The following USP32 variants were observed in gnomAD, a reference collection of about 807,000 sequenced individuals.
USP32 encodes the protein ubiquitin specific peptidase 32.
Under a neutral mutation model 204.8 loss-of-function variants are expected in USP32, and 59 were observed. The observed-to-expected ratio is 0.29, with a 90% CI of 0.23 to 0.36. The LOEUF is 0.36. USP32 is among the 10% of genes least tolerant of loss of function. The pLI is 1.00. For synonymous variants in USP32, 517 were observed against 678.4 expected, an observed-to-expected ratio of 0.76 and a Z score of 3.70; for missense variants, 1,160 against 1,946.4, an observed-to-expected ratio of 0.60 and a Z score of 7.60.
intron 1 of USP32, among the ~76,000 whole-genome samples, chr17:60,415,200 C>T (rs902221457): frequency 4.6e-5 from 7 of 152,150 alleles, no homozygotes; most frequent in Non-Finnish European, 1.0e-4. Context: ...GATTCCTATC[C>T]ACTGGGGAGG....
At chr17:60,376,353 C>T (rs1021977932) in intron 1 of USP32, among the ~76,000 whole-genome samples, 2 of 151,656 alleles carry the variant, frequency 1.3e-5, no homozygotes, top group Non-Finnish European at 2.9e-5. Context: ...ATTATAACTA[C>T]ACTAAGCTAC....
intron 12 of USP32, among the ~76,000 whole-genome samples, chr17:60,235,876 T>C (rs1487849595): frequency 6.6e-6 from 1 of 152,230 alleles, no homozygotes; most frequent in Non-Finnish European, 1.5e-5. Context: ...ATGTGATGTA[T>C]GTGACATATG....
upstream of USP32, among the ~76,000 whole-genome samples, chr17:60,393,423 G>T (rs1265083037): frequency 6.6e-6 from 1 of 152,192 alleles, no homozygotes; most frequent in South Asian, 2.1e-4. Context: ...CATAAATGGA[G>T]AAACCAAATG....
intron 10 of USP32, among the ~76,000 whole-genome samples, chr17:60,254,377 A>G (rs2086242015): frequency 6.6e-6 from 1 of 152,088 alleles, no homozygotes; most frequent in Non-Finnish European, 1.5e-5. Context: ...CATACCTTCA[A>G]TGATCTCTTA....
intron 4 of USP32, among the ~76,000 whole-genome samples, chr17:60,294,383 A>AGTGTGT (rs60195146): frequency 1.1e-3 from 160 of 146,480 alleles, no homozygotes; most frequent in African/African-American, 3.7e-3. Context: ...TTCCTGCAGG[A>AGTGTGT]GTGTGTGTGT....
intron 15 of USP32, among the ~76,000 whole-genome samples, chr17:60,220,435 G>C (rs1185113679): frequency 6.6e-6 from 1 of 152,020 alleles, no homozygotes; most frequent in African/African-American, 2.4e-5. Context: ...TAACCAGTCT[G>C]TTCACATATG....
chr17:60,328,353 A>G (rs1035609697), intron 2 of USP32, among the ~76,000 whole-genome samples: 1 of 152,124 alleles, frequency 6.6e-6, no homozygotes, highest in Non-Finnish European at 1.5e-5. Context: ...CTCTGCTGAG[A>G]GCTGGACCGA....
chr17:60,319,651 G>T (rs761816207), intron 2 of USP32, among the ~76,000 whole-genome samples: 2 of 151,900 alleles, frequency 1.3e-5, no homozygotes, highest in African/African-American at 2.4e-5. Flanking sequence ...GTGGTGGTGC[G>T]CACCTGTAGT....
rs987095284 is a variant in USP32 at position 60,177,652 on chromosome 17, G to A, written c.*1603C>T. ...CTTGAAACTATAAAGTATGCATTTT[G>A]TCTGACTTTATTACATTAGACAATT... On this transcript the variant is annotated 3_prime_UTR_variant, in exon 34 of 34. Transcript: ENST00000300896. Among the ~76,000 whole-genome samples the A allele has an allele frequency of 4.6e-5, 7 of 152,140 alleles. No homozygotes were observed. The highest frequency in any genetic ancestry group is 8.8e-5 in the Non-Finnish European group (6 of 68,002).
At position 60,183,166 on chromosome 17, in the gene USP32, T is replaced by G. The variant is rs1342139811; in HGVS notation, c.4122A>C (p.Lys1374Asn). 6.2e-7 allele frequency: 1 copy of G among 1,607,556 alleles called. No individual in the cohort carries two copies. Among genetic ancestry groups the G allele is most frequent in the South Asian group, 1.1e-5 (1 of 90,388 alleles). The change falls in exon 31 of 34, where the codon AAA becomes AAC. Residue 1374 changes from lysine (K) to asparagine (N), a missense_variant and splice_region_variant. By Grantham distance (94) the Lys-to-Asn change is moderately conservative. Transcript: ENST00000300896. The stretch of plus-strand genomic sequence containing the variant: ...CTGCATAAGGCCCCCAGGCCTCACC[T>G]TTCGGGCTGCTGATGATGTTAGCGC... ...SLSANIISSP[K>N]GSPSSSRKSG...
chr17:60,260,974 T>C (rs2086438366), intron 9 of USP32, among the ~76,000 whole-genome samples: 1 of 152,148 alleles, frequency 6.6e-6, no homozygotes, highest in Non-Finnish European at 1.5e-5. Context: ...AAGAGAAACA[T>C]GTCACATAAC....
chr17:60,327,533 G>C (rs906985123), intron 2 of USP32, among the ~76,000 whole-genome samples: 7 of 116,580 alleles, frequency 6.0e-5, no homozygotes, highest in African/African-American at 3.2e-5. Context: ...GAGCCCGCCC[G>C]CCAGCAGAAG....
intron 1 of USP32, among the ~76,000 whole-genome samples, chr17:60,381,555 T>C (rs546200267): frequency 2.9e-4 from 44 of 152,368 alleles, no homozygotes; most frequent in Non-Finnish European, 5.6e-4. Context: ...CTAGTCATTT[T>C]ACTCAGGTGC....
At chr17:60,377,564 G>A (rs1347735853) in intron 1 of USP32, among the ~76,000 whole-genome samples, 20 of 152,096 alleles carry the variant, frequency 1.3e-4, no homozygotes, top group Non-Finnish European at 5.9e-5. Context: ...ACCTGCTGTC[G>A]TCTGTGTACA....
At chr17:60,280,023 G>T (rs1196848490) in intron 5 of USP32, among the ~76,000 whole-genome samples, 1 of 151,794 alleles carries the variant, frequency 6.6e-6, no homozygotes, top group East Asian at 1.9e-4. Context: ...ATAATAGTTT[G>T]GAATTTACAC....
intron 9 of USP32, among the ~76,000 whole-genome samples, chr17:60,262,485 C>G (rs1442641123): frequency 6.6e-6 from 1 of 152,220 alleles, no homozygotes; most frequent in Admixed American, 6.5e-5. Flanking sequence ...AGCCACCATG[C>G]CCAACCTATA....
At chr17:60,348,315 TAGA>T (rs982401472) in intron 1 of USP32, among the ~76,000 whole-genome samples, 1 of 151,450 alleles carries the variant, frequency 6.6e-6, no homozygotes, top group Non-Finnish European at 1.5e-5. Context: ...ACACCAAAAC[TAGA>T]AGAAGCCAGT....
At chr17:60,391,810 C>T (rs2089839673) in intron 1 of USP32, 72 bp downstream of exon 1, 15 of 1,549,882 alleles carry the variant, frequency 9.7e-6, no homozygotes, top group Non-Finnish European at 1.2e-5. Flanking sequence ...CCCTCTCCCT[C>T]CCGGTTACCC....
intron 2 of USP32, among the ~76,000 whole-genome samples, chr17:60,319,544 G>A (rs2088063095): frequency 6.6e-6 from 1 of 152,216 alleles, no homozygotes; most frequent in Non-Finnish European, 1.5e-5. Flanking sequence ...CTGGGAGGCT[G>A]AGGCGGGCAG....
Sources: gnomAD v4.1 joint callset for allele counts (sites outside exome capture counted in the v4.1 genomes callset) on GRCh38, gnomAD v4.1.1 for gene constraint, MANE v1.5 for transcripts, NCBI Gene and HGNC (gene_info 2026-07-23, HGNC 2026-07-21) for gene names.